The following PRKN variants were observed in gnomAD, a reference collection of about 807,000 sequenced individuals.
PRKN encodes the protein parkin RBR E3 ubiquitin protein ligase.
In PRKN, 56 loss-of-function variants were observed where a neutral mutation model predicts 59.5. The ratio of observed to expected loss-of-function variants is 0.94; its 90% CI spans 0.76 to 1.18. The LOEUF is 1.18. Among genes scored for constraint, PRKN ranks in the 50% most tolerant of loss-of-function variants. The probability of loss-of-function intolerance (pLI) is 0.00; values close to 1 mark genes in which losing one functional copy is unlikely to be tolerated. For missense variants in PRKN, 657 were observed against 596.4 expected, an observed-to-expected ratio of 1.10 and a Z score of -1.06; for synonymous variants, 250 against 222.1, an observed-to-expected ratio of 1.13 and a Z score of -1.12.
At chr6:162,051,218 G>A (rs991544360) in intron 5 of PRKN, among the ~76,000 whole-genome samples, 1 of 152,102 alleles carries the variant, frequency 6.6e-6, no homozygotes, top group Non-Finnish European at 1.5e-5. Context: ...GGGAAGCCAG[G>A]CTGAGAAAGT....
At chr6:161,432,936 G>A (rs575816292) in intron 9 of PRKN, among the ~76,000 whole-genome samples, 9 of 152,138 alleles carry the variant, frequency 5.9e-5, no homozygotes, top group South Asian at 4.1e-4. Flanking sequence ...ATAGTTATTC[G>A]TAAGATCCTC....
chr6:162,299,631 C>T (rs959729078), intron 2 of PRKN, among the ~76,000 whole-genome samples: 27 of 151,120 alleles, frequency 1.8e-4, no homozygotes, highest in African/African-American at 6.5e-4. Context: ...TTATTTAATC[C>T]TTTATATATA....
intron 9 of PRKN, among the ~76,000 whole-genome samples, chr6:161,522,055 T>C (rs1360670711): frequency 6.6e-6 from 1 of 152,114 alleles, no homozygotes. Flanking sequence ...GGACGGCGAA[T>C]ATTGATGCGG....
chr6:162,251,179 G>A (rs1779418661), intron 3 of PRKN, among the ~76,000 whole-genome samples: 1 of 152,106 alleles, frequency 6.6e-6, no homozygotes, highest in South Asian at 2.1e-4. Context: ...ACAGTATTAA[G>A]AGACCACAAT....
chr6:161,359,255 G>A lies in PRKN; in HGVS notation c.1285+833C>T, dbSNP rs887222862. On this transcript the variant is annotated intron_variant, in intron 11 of 11. Transcript: ENST00000366898. The surrounding 1 kb of genome is among the most constrained non-coding windows in gnomAD (Gnocchi z 5.4). ...TGTACTGAGCTAAGCCAGCACCTGC[G>A]GCTCTGGGATGTGTTCAAGCACCGT... Among the ~76,000 whole-genome samples, 2 of 152,124 alleles carry A rather than the reference G, an allele frequency of 1.3e-5. No individual in the cohort carries two copies. Among genetic ancestry groups the A allele is most frequent in the Non-Finnish European group, 2.9e-5 (2 of 68,020 alleles).
rs1171548218 is a variant in PRKN at position 162,531,057 on chromosome 6, C to CAAA, written c.8-87587_8-87585dup. 4.6e-3 allele frequency among the ~76,000 whole-genome samples: 364 copies of CAAA among 79,888 alleles called. 7 individuals are homozygous for CAAA. The highest frequency in any genetic ancestry group is 9.1e-3 in the Middle Eastern group (1 of 110). The allele number at this position is 79,888 out of a possible 152,430, so 52.4% of individuals were successfully genotyped here. A position where few individuals can be genotyped will look rare whatever the true frequency, so the allele number is the denominator to read the frequency against. The stretch of plus-strand genomic sequence containing the variant: ...GGGTAACAGAGCAAGACTCCATCTC[C>CAAA]AAAAAAAAAAAAAAAAAAAAATGTA... On this transcript the variant is annotated intron_variant, in intron 1 of 11. Coordinates refer to ENST00000366898, the MANE Select transcript of PRKN (RefSeq NM_004562.3).
chr6:161,831,200 G>A (rs1378382379), intron 6 of PRKN, among the ~76,000 whole-genome samples: 6 of 152,208 alleles, frequency 3.9e-5, no homozygotes, highest in Non-Finnish European at 7.4e-5. Context: ...ACATACAGGT[G>A]GTCTGCAGTT....
At chr6:161,656,542 G>C (rs1784358860) in intron 7 of PRKN, among the ~76,000 whole-genome samples, 1 of 152,182 alleles carries the variant, frequency 6.6e-6, no homozygotes, top group Non-Finnish European at 1.5e-5. Flanking sequence ...CAGGGACTCT[G>C]AGATGCCGTG....
At position 161,423,165 on chromosome 6, in the gene PRKN, G is replaced by A. The variant is rs925781659; in HGVS notation, c.1084-36288C>T. Among the ~76,000 whole-genome samples the A allele has an allele frequency of 3.9e-5, 6 of 152,272 alleles. No homozygotes were observed. Among genetic ancestry groups the A allele is most frequent in the Admixed American group, 6.6e-5 (1 of 15,264 alleles). The stretch of plus-strand genomic sequence containing the variant: ...GGTGTGAGATATCAGCATCTTTAAT[G>A]TATGCCAGCCTTGCATGGGTTTGGT... On this transcript the variant is annotated intron_variant, in intron 9 of 11. Transcript: ENST00000366898. This position sits in a 1 kb window ranked among gnomAD's most constrained non-coding sequence, Gnocchi z 5.9.
At chr6:161,850,594 A>AAG (rs59893422) in intron 6 of PRKN, among the ~76,000 whole-genome samples, 1 of 150,746 alleles carries the variant, frequency 6.6e-6, no homozygotes, top group Non-Finnish European at 1.5e-5. Context: ...AAAAAAAAAA[A>AAG]CTCTACAAAA....
At chr6:162,269,326 C>T (rs1780272454) in intron 2 of PRKN, among the ~76,000 whole-genome samples, 1 of 152,188 alleles carries the variant, frequency 6.6e-6, no homozygotes, top group South Asian at 2.1e-4. Flanking sequence ...CCTGTGTCTA[C>T]TGAATGACTC....
chr6:161,563,275 A>G (rs1347669195), intron 8 of PRKN, among the ~76,000 whole-genome samples: 1 of 152,154 alleles, frequency 6.6e-6, no homozygotes, highest in Non-Finnish European at 1.5e-5. Context: ...CAACACTAGC[A>G]CAATAATAGT....
intron 7 of PRKN, among the ~76,000 whole-genome samples, chr6:161,686,803 A>G (rs889304523): frequency 2.6e-5 from 4 of 152,160 alleles, no homozygotes; most frequent in Non-Finnish European, 1.5e-5. Context: ...AACCACAGCC[A>G]TCTCCTTAGG....
Position 161,884,946 on chromosome 6 carries a change from GCTGA to G in PRKN, c.734+88352_734+88355del, listed in dbSNP as rs563531171. Reference sequence around the variant, plus strand: ...TAGCACTAGACACATAAATGAATGGGCTGACTGTGTTCCAATAAAACTTTATTTA... The same window carrying G: ...TAGCACTAGACACATAAATGAATGGGCTGTGTTCCAATAAAACTTTATTTA... On this transcript the variant is annotated intron_variant, in intron 6 of 11. Transcript: ENST00000366898. 2.5e-3 allele frequency among the ~76,000 whole-genome samples: 375 copies of G among 150,710 alleles called. 1 individual carries two copies. Among genetic ancestry groups the G allele is most frequent in the East Asian group, 7.8e-3 (40 of 5,136 alleles).
intron 7 of PRKN, among the ~76,000 whole-genome samples, chr6:161,633,634 T>C (rs748564109): frequency 6.6e-6 from 1 of 152,236 alleles, no homozygotes; most frequent in Non-Finnish European, 1.5e-5. Context: ...AACTGAGATA[T>C]TGCAAGGCCA....
At chr6:162,658,529 C>T (rs189914512) in intron 1 of PRKN, among the ~76,000 whole-genome samples, 79 of 151,610 alleles carry the variant, frequency 5.2e-4, no homozygotes, top group African/African-American at 1.7e-3. Context: ...GGCATGATGG[C>T]GGGTGACTGT....
At chr6:161,805,889 A>C (rs1791298954) in intron 6 of PRKN, among the ~76,000 whole-genome samples, 1 of 152,080 alleles carries the variant, frequency 6.6e-6, no homozygotes, top group South Asian at 2.1e-4. Context: ...GGAACACTCT[A>C]AATGCAGCAA....
chr6:161,426,064 G>A (rs776554700), intron 9 of PRKN, among the ~76,000 whole-genome samples: 2 of 152,080 alleles, frequency 1.3e-5, no homozygotes, highest in South Asian at 2.1e-4. Context: ...GTGGTTAAGG[G>A]GGTGCCTGTG....
At chr6:161,988,065 G>A (rs529421788) in intron 5 of PRKN, among the ~76,000 whole-genome samples, 1 of 152,286 alleles carries the variant, frequency 6.6e-6, no homozygotes, top group Admixed American at 6.5e-5. Context: ...GTGTGTGAGG[G>A]CAAAAGACTC....
Sources: allele counts gnomAD v4.1 joint callset (sites outside exome capture counted in the v4.1 genomes callset), GRCh38; gene constraint gnomAD v4.1.1; non-coding constraint Gnocchi (gnomAD v3.1); transcripts MANE v1.5; gene names NCBI Gene and HGNC (gene_info 2026-07-23, HGNC 2026-07-21).